Variants in KLHDC1 observed in about 807,000 individuals in gnomAD.
KLHDC1 encodes the protein kelch domain-containing protein 1.
Under a neutral mutation model 68.3 loss-of-function variants are expected in KLHDC1, and 53 were observed. The ratio of observed to expected loss-of-function variants is 0.78; its 90% CI spans 0.62 to 0.98. KLHDC1 has a LOEUF of 0.98. Among genes scored for constraint, KLHDC1 ranks in the 50% least tolerant of loss-of-function variants. KLHDC1 has a pLI of 0.00. For synonymous variants in KLHDC1, 148 were observed against 159.0 expected (o/e 0.93, Z 0.52); for missense variants, 470 against 492.3 (o/e 0.95, Z 0.43).
chr14:49,698,507 T>G (rs1412174471), intron 1 of KLHDC1, among the ~76,000 whole-genome samples: 2 of 142,516 alleles, frequency 1.4e-5, no homozygotes, highest in Non-Finnish European at 3.1e-5. Flanking sequence ...CGGCCTTTGT[T>G]TTTTGTTTTG....
At chr14:49,713,816 A>T (rs1566602710) in intron 4 of KLHDC1, among the ~76,000 whole-genome samples, 4 of 2,530 alleles carry the variant, frequency 1.6e-3, no homozygotes, top group Non-Finnish European at 6.3e-3. Context: ...ATATATATAT[A>T]TATATATATA....
intron 12 of KLHDC1, among the ~76,000 whole-genome samples, chr14:49,745,439 G>A (rs1346469978): frequency 6.6e-6 from 1 of 152,196 alleles, no homozygotes; most frequent in Admixed American, 6.5e-5. Flanking sequence ...GGAAGGCACT[G>A]TGCCATGAAA....
intron 6 of KLHDC1, among the ~76,000 whole-genome samples, chr14:49,727,299 GCATGTTCCTACCCTTTA>G (rs1888695234): frequency 6.6e-6 from 1 of 151,984 alleles, no homozygotes; most frequent in Admixed American, 6.6e-5. Context: ...CTCTACTTGG[GCATGTTCCTACCCTTTA>G]CAGCAATTCC....
At chr14:49,744,679 GA>G (rs1889157442) in intron 12 of KLHDC1, among the ~76,000 whole-genome samples, 1 of 151,648 alleles carries the variant, frequency 6.6e-6, no homozygotes, top group South Asian at 2.1e-4. Context: ...TAAATACTAT[GA>G]AAATAATTGT....
chr14:49,693,151 G>A lies in KLHDC1; in HGVS notation c.-44G>A, dbSNP rs1594639659. ...GGCTGGAGGCGAGGCCGCCGGGCGG[G>A]CAGGGGTTGTGGCGCGGCAAGCGGC... On this transcript the variant is annotated 5_prime_UTR_variant, in exon 1 of 13. Coordinates refer to ENST00000359332, the MANE Select transcript of KLHDC1 (RefSeq NM_172193.3). 2.6e-6 allele frequency: 4 copies of A among 1,528,072 alleles called. No homozygotes were observed. Among genetic ancestry groups the A allele is most frequent in the Non-Finnish European group, 2.7e-6 (3 of 1,128,532 alleles). The allele number at this position is 1,528,072 out of a possible 1,614,324, so 94.7% of individuals were successfully genotyped here.
chr14:49,742,687 A>C (rs1433893097), intron 11 of KLHDC1, among the ~76,000 whole-genome samples: 1 of 148,928 alleles, frequency 6.7e-6, no homozygotes, highest in Non-Finnish European at 1.5e-5. Flanking sequence ...AAAAAAAAAA[A>C]AAAAGAGAAT....
At chr14:49,718,087 A>G (rs1409692352) in intron 4 of KLHDC1, among the ~76,000 whole-genome samples, 1 of 151,788 alleles carries the variant, frequency 6.6e-6, no homozygotes, top group African/African-American at 2.4e-5. Flanking sequence ...GGGTCTCATT[A>G]TGTTGCCAGG....
chr14:49,696,294 C>A (rs1887741254), intron 1 of KLHDC1, among the ~76,000 whole-genome samples: 1 of 151,840 alleles, frequency 6.6e-6, no homozygotes, highest in Non-Finnish European at 1.5e-5. Context: ...GCCTCAGCCT[C>A]CTGAGTAGCT....
chr14:49,727,080 A>G (rs1888689127), intron 6 of KLHDC1, among the ~76,000 whole-genome samples: 2 of 152,148 alleles, frequency 1.3e-5, no homozygotes, highest in South Asian at 4.1e-4. Context: ...CCCTGTCTCT[A>G]CTAAAAATAC....
In KLHDC1 at chr14:49,752,776, T is replaced by A. The variant is rs1163135019; in HGVS notation, c.*1004T>A. ...CTAAAAATGGTACTTTTGGCATAAT[T>A]AAGAAATTTTTCTTCATATTATCAC... is the stretch of plus-strand genomic sequence containing the variant. On this transcript the variant is annotated 3_prime_UTR_variant, in exon 13 of 13. Coordinates refer to ENST00000359332, the MANE Select transcript of KLHDC1 (RefSeq NM_172193.3). 6.6e-6 allele frequency: 1 copy of A among 152,102 alleles called. No homozygotes were observed. Among genetic ancestry groups the A allele is most frequent in the African/African-American group, 2.4e-5 (1 of 41,440 alleles). The allele number at this position is 152,102 out of a possible 1,614,324, so 9.4% of individuals were successfully genotyped here.
At chr14:49,702,584 A>G (rs1887938515) in intron 1 of KLHDC1, among the ~76,000 whole-genome samples, 1 of 152,182 alleles carries the variant, frequency 6.6e-6, no homozygotes, top group African/African-American at 2.4e-5. Flanking sequence ...TAGTGAGTGA[A>G]TATTGTCAGG....
chr14:49,718,095 A>G (rs1460678056), intron 4 of KLHDC1, among the ~76,000 whole-genome samples: 1 of 152,042 alleles, frequency 6.6e-6, no homozygotes, highest in Non-Finnish European at 1.5e-5. Flanking sequence ...TTATGTTGCC[A>G]GGCTGGTCTC....
intron 8 of KLHDC1, among the ~76,000 whole-genome samples, chr14:49,730,850 T>C (rs965387371): frequency 2.0e-5 from 3 of 151,784 alleles, no homozygotes; most frequent in African/African-American, 7.3e-5. Flanking sequence ...TGGACGCCTA[T>C]AATCCCAGCT....
chr14:49,695,526 C>G (rs1887715187), intron 1 of KLHDC1, among the ~76,000 whole-genome samples: 1 of 152,210 alleles, frequency 6.6e-6, no homozygotes, highest in African/African-American at 2.4e-5. Flanking sequence ...AAGAGACATG[C>G]TGTCATCCAG....
At chr14:49,698,882 C>T (rs1434002540) in intron 1 of KLHDC1, among the ~76,000 whole-genome samples, 1 of 151,640 alleles carries the variant, frequency 6.6e-6, no homozygotes, top group African/African-American at 2.4e-5. Context: ...GATCATACTT[C>T]TTGACGAGCG....
chr14:49,694,683 G>A (rs1330725313), intron 1 of KLHDC1, among the ~76,000 whole-genome samples: 1 of 151,938 alleles, frequency 6.6e-6, no homozygotes, highest in Admixed American at 6.6e-5. Flanking sequence ...GTGAAACCCC[G>A]TCTCTACTAA....
At chr14:49,706,197 T>A (rs1888046011) in intron 1 of KLHDC1, among the ~76,000 whole-genome samples, 1 of 152,118 alleles carries the variant, frequency 6.6e-6, no homozygotes, top group South Asian at 2.1e-4. Context: ...TGAGGTCAAT[T>A]GTTTTGATTT....
chr14:49,725,507 C>G (rs1888645970), intron 5 of KLHDC1, 179 bp from the exon 6 acceptor site: 1 of 459,886 alleles, frequency 2.2e-6, no homozygotes, highest in East Asian at 3.6e-5. Flanking sequence ...GGTGCTGCTA[C>G]TGGTCTGGGG....
At chr14:49,699,316 T>C (rs1887834521) in intron 1 of KLHDC1, among the ~76,000 whole-genome samples, 1 of 152,096 alleles carries the variant, frequency 6.6e-6, no homozygotes, top group South Asian at 2.1e-4. Context: ...TCTACTACTT[T>C]TTTAAATTCC....
Sources: gnomAD v4.1 joint callset for allele counts (sites outside exome capture counted in the v4.1 genomes callset) on GRCh38, gnomAD v4.1.1 for gene constraint, MANE v1.5 for transcripts, NCBI Gene and HGNC (gene_info 2026-07-23, HGNC 2026-07-21) for gene names.